Variants in ACTN2 observed in about 807,000 individuals in gnomAD.
ACTN2 encodes actinin alpha 2, also known as alpha-actinin-2.
Under a neutral mutation model 113.8 loss-of-function variants are expected in ACTN2, and 39 were observed. The ratio of observed to expected loss-of-function variants is 0.34; its 90% confidence interval spans 0.27 to 0.45. ACTN2 has a LOEUF of 0.45. ACTN2 is among the 20% of genes least tolerant of loss of function. The probability of loss-of-function intolerance (pLI) is 1.00; values close to 1 mark genes in which losing one functional copy is unlikely to be tolerated. For synonymous variants in ACTN2, 429 were observed against 444.1 expected, an observed-to-expected ratio of 0.97 and a Z score of 0.43; for missense variants, 992 against 1,177.9, an observed-to-expected ratio of 0.84 and a Z score of 2.31.
chr1:236,762,981 C>A lies in ACTN2; in HGVS notation c.*362C>A. 3.1e-6 allele frequency: 1 copy of A among 319,848 alleles called. No homozygotes were observed. Among genetic ancestry groups the A allele is most frequent in the Non-Finnish European group, 6.0e-6 (1 of 165,656 alleles). 19.8% of individuals were successfully genotyped at this position (319,848 alleles called of 1,614,324 possible). ...AATACAAAATACCCAAGATTTAAGA[C>A]CGGGGGGAAAAAACCACAAATTGGT... On this transcript the variant is annotated 3_prime_UTR_variant, in exon 21 of 21. Coordinates refer to ENST00000366578, the MANE Select transcript of ACTN2 (RefSeq NM_001103.4).
intron 7 of ACTN2, among the ~76,000 whole-genome samples, chr1:236,735,077 G>A (rs1003150055): frequency 2.0e-5 from 3 of 152,196 alleles, no homozygotes; most frequent in Admixed American, 6.5e-5. Context: ...TGGTAAGTAT[G>A]TATTGAAGTT....
intron 1 of ACTN2, among the ~76,000 whole-genome samples, chr1:236,690,977 G>T (rs994757287): frequency 3.0e-5 from 4 of 134,728 alleles, no homozygotes; most frequent in African/African-American, 1.1e-4. Context: ...TTGCTCTGTC[G>T]CCCAGGCTGG....
intron 1 of ACTN2, among the ~76,000 whole-genome samples, chr1:236,717,464 T>G (rs1200781033): frequency 6.6e-6 from 1 of 152,132 alleles, no homozygotes; most frequent in Admixed American, 6.6e-5. Flanking sequence ...ACACTGTTAT[T>G]TATTCATCTA....
chr1:236,753,869 G>GACAAAA, intron 15 of ACTN2, 78 bp from the exon 16 acceptor site: 7 of 1,250,280 alleles, frequency 5.6e-6, no homozygotes, highest in Non-Finnish European at 6.9e-6. Context: ...CCACCCCTTG[G>GACAAAA]ACTATTCCCG....
At chr1:236,736,669 G>T (rs1305020456) in intron 8 of ACTN2, 2 of 1,513,948 alleles carry the variant, frequency 1.3e-6, no homozygotes, top group East Asian at 4.9e-5. Flanking sequence ...AAGTGCAATG[G>T]TATATCTGGA....
At chr1:236,696,049 G>C (rs757906367) in intron 1 of ACTN2, among the ~76,000 whole-genome samples, 1 of 152,176 alleles carries the variant, frequency 6.6e-6, no homozygotes, top group Non-Finnish European at 1.5e-5. Flanking sequence ...GCTTAAGCCT[G>C]TAATCCCAGC....
intron 1 of ACTN2, among the ~76,000 whole-genome samples, chr1:236,689,664 A>T (rs1412914141): frequency 6.6e-6 from 1 of 152,146 alleles, no homozygotes; most frequent in Non-Finnish European, 1.5e-5. Context: ...CAGATACAAT[A>T]TTTTAAGACA....
intron 18 of ACTN2, among the ~76,000 whole-genome samples, chr1:236,758,303 A>ATTTTTTTTTTTT (rs1349813845): frequency 1.8e-4 from 24 of 135,990 alleles, no homozygotes; most frequent in Middle Eastern, 3.8e-3. Context: ...TTTTTTTTTA[A>ATTTTTTTTTTTT]TGAGACGGAG....
Position 236,749,953 on chromosome 1 carries a change from GT to G in ACTN2, c.1656+692del, listed in dbSNP as rs1271752440. On this transcript the variant is annotated intron_variant, in intron 14 of 20. Transcript: ENST00000366578. ...ACTTTGCAAACGTGTGCATATTACTGTTTATTTAGATCTACAGAGTTTTTTG... is the reference window on the plus strand; with the variant it reads ...ACTTTGCAAACGTGTGCATATTACTGTTATTTAGATCTACAGAGTTTTTTG... Among the ~76,000 whole-genome samples, 6 of 152,306 alleles carry G rather than the reference GT, an allele frequency of 3.9e-5. No homozygotes were observed. In the East Asian group the frequency reaches 1.2e-3, roughly 29 times the overall value.
chr1:236,758,591 T>C (rs1426655564), intron 18 of ACTN2, among the ~76,000 whole-genome samples: 1 of 142,130 alleles, frequency 7.0e-6, no homozygotes, highest in Non-Finnish European at 1.5e-5. Flanking sequence ...ACCTGGCCTT[T>C]TTTCTTTTTG....
rs370482371 is a variant in ACTN2, at chr1:236,762,729, G to GA, written c.*120dup. On this transcript the variant is annotated 3_prime_UTR_variant, in exon 21 of 21. Coordinates refer to ENST00000366578, the MANE Select transcript of ACTN2 (RefSeq NM_001103.4). ...TTATTAAGTTGAGAGAGAGAGAGGG[G>GA]AAAAAAAAAAGCCTTTCGTAGTTCA... 6.4e-4 allele frequency: 805 copies of GA among 1,262,356 alleles called. No individual in the cohort carries two copies. Among genetic ancestry groups the GA allele is most frequent in the African/African-American group, 2.6e-3 (161 of 62,964 alleles). The allele number at this position is 1,262,356 out of a possible 1,614,324, so 78.2% of individuals were successfully genotyped here. A position where few individuals can be genotyped will look rare whatever the true frequency, so the allele number is the denominator to read the frequency against.
chr1:236,737,105 C>A lies in ACTN2; in HGVS notation c.784-17C>A. On this transcript the variant is annotated splice_polypyrimidine_tract_variant and intron_variant, in intron 8 of 20. Coordinates refer to ENST00000366578, the MANE Select transcript of ACTN2 (RefSeq NM_001103.4). ...CCCGTCGACAGAGCCGTCCTGTTTACCTATTGTGTTTTACAGGCCGAGACA... is the reference window on the plus strand; with the variant it reads ...CCCGTCGACAGAGCCGTCCTGTTTAACTATTGTGTTTTACAGGCCGAGACA... 1 of 1,590,864 alleles carries A rather than the reference C, an allele frequency of 6.3e-7. No homozygotes were observed. The highest frequency in any genetic ancestry group is 1.7e-5 in the Admixed American group (1 of 59,292).
rs969935283 is a variant in ACTN2, at chr1:236,686,559, G to A, written c.-115G>A. ...CGTGTCGCCCCGAGAGGAGCCGCGC[G>A]AAGGTCACCCCGCGCCCGCCGCCCG... On this transcript the variant is annotated 5_prime_UTR_variant, in exon 1 of 21. Transcript: ENST00000366578. 4.8e-6 allele frequency: 6 copies of A among 1,241,908 alleles called. No individual in the cohort carries two copies. In the African/African-American group the frequency reaches 9.8e-5, roughly 20 times the overall value. The allele number at this position is 1,241,908 out of a possible 1,614,324, so 76.9% of individuals were successfully genotyped here. A position where few individuals can be genotyped will look rare whatever the true frequency, so the allele number is the denominator to read the frequency against.
At chr1:236,713,131 GT>G (rs1658086479) in intron 1 of ACTN2, among the ~76,000 whole-genome samples, 1 of 151,496 alleles carries the variant, frequency 6.6e-6, no homozygotes, top group Non-Finnish European at 1.5e-5. Context: ...ATAAAATACG[GT>G]TTATACACTA....
intron 1 of ACTN2, among the ~76,000 whole-genome samples, chr1:236,704,058 T>G (rs1657754004): frequency 6.6e-6 from 1 of 152,164 alleles, no homozygotes; most frequent in African/African-American, 2.4e-5. Context: ...AGAGGGAACA[T>G]GAGGATGCAT....
chr1:236,695,563 TC>T (rs71559972), intron 1 of ACTN2, among the ~76,000 whole-genome samples: 5 of 100,826 alleles, frequency 5.0e-5, no homozygotes, highest in Middle Eastern at 5.1e-3. Flanking sequence ...TGAAATGAGT[TC>T]CCCCCCCCTG....
intron 5 of ACTN2, 72 bp downstream of exon 5, chr1:236,726,092 G>A: frequency 7.4e-7 from 1 of 1,358,948 alleles, no homozygotes; most frequent in Non-Finnish European, 1.1e-6. Context: ...CAGTGTTTGT[G>A]TGCACCCGTG....
intron 7 of ACTN2, among the ~76,000 whole-genome samples, chr1:236,732,145 A>G (rs1475897085): frequency 5.9e-5 from 9 of 152,252 alleles, no homozygotes. Flanking sequence ...GTCAGTCGTC[A>G]ATCTTCCATT....
chr1:236,694,289 G>A (rs1488784548), intron 1 of ACTN2, among the ~76,000 whole-genome samples: 3 of 147,554 alleles, frequency 2.0e-5, no homozygotes, highest in South Asian at 2.1e-4. Context: ...GCACAATCTC[G>A]GCGGCTAACC....
Sources: allele counts gnomAD v4.1 joint callset (sites outside exome capture counted in the v4.1 genomes callset), GRCh38; gene constraint gnomAD v4.1.1; transcripts MANE v1.5; gene names NCBI Gene and HGNC (gene_info 2026-07-23, HGNC 2026-07-21).